Variants in PTPN14 observed in about 807,000 individuals in gnomAD.
The protein encoded by PTPN14 is protein tyrosine phosphatase non-receptor type 14.
In PTPN14, 53 loss-of-function variants were observed where a neutral mutation model predicts 126.8. The ratio of observed to expected loss-of-function variants is 0.42; its 90% CI spans 0.34 to 0.53. The LOEUF is 0.53. PTPN14 is among the 20% of genes least tolerant of loss of function. The pLI is 0.08. For missense variants in PTPN14, 1,257 were observed against 1,552.9 expected, an observed-to-expected ratio of 0.81 and a Z score of 3.20; for synonymous variants, 630 against 599.3, an observed-to-expected ratio of 1.05 and a Z score of -0.75.
At chr1:214,497,904 A>G (rs1654574751) in intron 1 of PTPN14, among the ~76,000 whole-genome samples, 2 of 152,206 alleles carry the variant, frequency 1.3e-5, no homozygotes, top group Admixed American at 1.3e-4. Context: ...ATTTCATTAG[A>G]AACACACACG....
intron 5 of PTPN14, among the ~76,000 whole-genome samples, chr1:214,406,915 C>T (rs1313792380): frequency 3.9e-5 from 6 of 152,098 alleles, no homozygotes. Context: ...GAGAGTAAGG[C>T]GAATAAGAAA....
At chr1:214,436,192 T>A (rs1288911363) in intron 3 of PTPN14, among the ~76,000 whole-genome samples, 1 of 151,962 alleles carries the variant, frequency 6.6e-6, no homozygotes, top group Non-Finnish European at 1.5e-5. Flanking sequence ...GAGCTAAACA[T>A]CTAGAACACA....
intron 3 of PTPN14, among the ~76,000 whole-genome samples, chr1:214,435,255 CGTGTGT>C (rs144288661): frequency 4.7e-5 from 7 of 148,524 alleles, no homozygotes; most frequent in Non-Finnish European, 9.0e-5. Flanking sequence ...TGTGTGTGTG[CGTGTGT>C]GTGTGTGTGT....
At chr1:214,500,513 G>T (rs1266778440) in intron 1 of PTPN14, among the ~76,000 whole-genome samples, 1 of 152,240 alleles carries the variant, frequency 6.6e-6, no homozygotes, top group East Asian at 1.9e-4. Flanking sequence ...TTGGTGAACT[G>T]ACAGCTCTTT....
intron 5 of PTPN14, among the ~76,000 whole-genome samples, chr1:214,406,832 A>G (rs1006879920): frequency 2.0e-5 from 3 of 152,206 alleles, no homozygotes; most frequent in Non-Finnish European, 4.4e-5. Context: ...CATGCTGGTA[A>G]TCACCTTTGA....
intron 1 of PTPN14, chr1:214,532,674 T>G (rs1298852027): frequency 1.2e-6 from 1 of 827,532 alleles, no homozygotes; most frequent in Non-Finnish European, 2.1e-6. Context: ...CTGATGACTT[T>G]AGAGTCAAGT....
At chr1:214,436,381 C>T (rs1659915887) in intron 3 of PTPN14, among the ~76,000 whole-genome samples, 1 of 150,260 alleles carries the variant, frequency 6.7e-6, no homozygotes, top group African/African-American at 2.4e-5. Flanking sequence ...CACACGTATA[C>T]CCCTGTATCT....
Position 214,364,397 on chromosome 1 carries a change from G to T in PTPN14, c.3435+115C>A. 1 of 1,355,056 alleles carries T rather than the reference G, an allele frequency of 7.4e-7. No individual in the cohort carries two copies. Among genetic ancestry groups the T allele is most frequent in the South Asian group, 1.4e-5 (1 of 70,546 alleles). The allele number at this position is 1,355,056 out of a possible 1,614,324, so 83.9% of individuals were successfully genotyped here. ...AGGAACCAGGAGCCTGGAAAACTCT[G>T]GTTGGGAGACAGGAAATTAACCACT... On this transcript the variant is annotated intron_variant, in intron 18 of 18. Transcript: ENST00000366956. The surrounding 1 kb of genome is among the most constrained non-coding windows in gnomAD (Gnocchi z 4.1).
intron 1 of PTPN14, among the ~76,000 whole-genome samples, chr1:214,494,077 T>C (rs1661307211): frequency 1.3e-5 from 2 of 152,242 alleles, no homozygotes; most frequent in Admixed American, 1.3e-4. Context: ...TCTTTCTCTT[T>C]TTTTTTCTTT....
Position 214,551,363 on chromosome 1 carries a change from A to C in PTPN14, c.-335T>G, listed in dbSNP as rs945819232. 2.0e-5 allele frequency: 3 copies of C among 152,608 alleles called. No individual in the cohort carries two copies. The highest frequency in any genetic ancestry group is 7.2e-5 in the African/African-American group (3 of 41,466). 9.5% of individuals were successfully genotyped at this position (152,608 alleles called of 1,614,324 possible). A position where few individuals can be genotyped will look rare whatever the true frequency, so the allele number is the denominator to read the frequency against. On this transcript the variant is annotated 5_prime_UTR_variant, in exon 1 of 19. Transcript: ENST00000366956. ...GCCGCGATCCCGGCGCGAGAGTCCG[A>C]GCAGAGGCGCACCGGGGGAGAAAAG...
intron 1 of PTPN14, among the ~76,000 whole-genome samples, chr1:214,513,239 T>A (rs1340458815): frequency 6.6e-6 from 1 of 152,172 alleles, no homozygotes; most frequent in Non-Finnish European, 1.5e-5. Context: ...CATTCAATCA[T>A]CTGTTCAACA....
rs1365910039 is a variant in PTPN14 at position 214,364,397 on chromosome 1, G to C, written c.3435+115C>G. The C allele has an allele frequency of 3.0e-6, 4 of 1,354,940 alleles. No homozygotes were observed. In the African/African-American group the frequency reaches 5.8e-5, roughly 20 times the overall value. 83.9% of individuals were successfully genotyped at this position (1,354,940 alleles called of 1,614,324 possible). On this transcript the variant is annotated intron_variant, in intron 18 of 18. Coordinates refer to ENST00000366956, the MANE Select transcript of PTPN14 (RefSeq NM_005401.5). This position sits in a 1 kb window ranked among gnomAD's most constrained non-coding sequence, Gnocchi z 4.1. ...AGGAACCAGGAGCCTGGAAAACTCT[G>C]GTTGGGAGACAGGAAATTAACCACT...
chr1:214,485,532 C>T (rs993886123), intron 1 of PTPN14, among the ~76,000 whole-genome samples: 4 of 152,112 alleles, frequency 2.6e-5, no homozygotes, highest in African/African-American at 9.7e-5. Flanking sequence ...TATGGAAGAG[C>T]TAATGGACTC....
At chr1:214,494,191 C>T (rs1661310899) in intron 1 of PTPN14, among the ~76,000 whole-genome samples, 1 of 152,148 alleles carries the variant, frequency 6.6e-6, no homozygotes, top group African/African-American at 2.4e-5. Flanking sequence ...CTGCCTCAGC[C>T]TCCAGAGTAG....
chr1:214,414,327 G>C (rs1479601130), intron 4 of PTPN14, among the ~76,000 whole-genome samples: 2 of 152,172 alleles, frequency 1.3e-5, no homozygotes, highest in Non-Finnish European at 2.9e-5. Context: ...GAATAATTCT[G>C]AGAAAATGTT....
chr1:214,495,891 A>C (rs1465204993), intron 1 of PTPN14, among the ~76,000 whole-genome samples: 1 of 151,964 alleles, frequency 6.6e-6, no homozygotes, highest in African/African-American at 2.4e-5. Flanking sequence ...ACAGGGTTTC[A>C]CCATGTTGGT....
intron 1 of PTPN14, among the ~76,000 whole-genome samples, chr1:214,534,569 C>T (rs574618975): frequency 6.6e-6 from 1 of 151,982 alleles, no homozygotes; most frequent in Admixed American, 6.6e-5. Flanking sequence ...AAAAACTAGC[C>T]GGGCATGGTG....
At chr1:214,512,218 C>G (rs948623137) in intron 1 of PTPN14, among the ~76,000 whole-genome samples, 1 of 152,114 alleles carries the variant, frequency 6.6e-6, no homozygotes, top group Non-Finnish European at 1.5e-5. Context: ...ACCCCACAGC[C>G]TACCAGATTT....
chr1:214,386,721 C>A, intron 12 of PTPN14, 123 bp downstream of exon 12: 1 of 1,053,932 alleles, frequency 9.5e-7, no homozygotes, highest in Admixed American at 2.2e-5. Context: ...TAGCTACTGT[C>A]ATTCAGACGA....
Sources: gnomAD v4.1 joint callset for allele counts (sites outside exome capture counted in the v4.1 genomes callset) on GRCh38, gnomAD v4.1.1 for gene constraint, Gnocchi (gnomAD v3.1) non-coding constraint, MANE v1.5 for transcripts, NCBI Gene and HGNC (gene_info 2026-07-23, HGNC 2026-07-21) for gene names.